The following USF1 variants were observed in gnomAD, a reference collection of about 807,000 sequenced individuals.
USF1 encodes upstream transcription factor 1.
In USF1, 22 loss-of-function variants were observed where a neutral mutation model predicts 46.3. That is an observed-to-expected ratio of 0.47 (90% confidence interval 0.34 to 0.68). USF1 has a LOEUF of 0.68. USF1 is among the 30% of genes least tolerant of loss of function. The pLI, the probability that USF1 is intolerant of heterozygous loss-of-function variation, is 0.01. For missense variants in USF1, 287 were observed against 399.3 expected (o/e 0.72, Z 2.40); for synonymous variants, 150 against 147.0 (o/e 1.02, Z -0.15).
chr1:161,041,411 C>T lies in USF1; in HGVS notation c.473G>A (p.Gly158Asp). The change falls in exon 7 of 11, where the codon GGT becomes GAT. Residue 158 changes from glycine (G) to aspartate (D), a missense_variant and splice_region_variant. Gly to Asp is a moderately conservative substitution (Grantham distance 94, BLOSUM62 -1). Coordinates refer to ENST00000368021, the MANE Select transcript of USF1 (RefSeq NM_007122.5). ...LLGQATPPGTGQFFVMMSPQE... is the reference protein window; with the variant it reads ...LLGQATPPGTDQFFVMMSPQE... ...TGGTGACATCATCACAAAGAATTGA[C>T]CTGTGAAGATGCAGGGTAGGTTCTG... The T allele has an allele frequency of 6.2e-7, 1 of 1,613,552 alleles. No individual in the cohort carries two copies. Among genetic ancestry groups the T allele is most frequent in the Non-Finnish European group, 8.5e-7 (1 of 1,179,898 alleles).
Position 161,043,315 on chromosome 1 carries a change from T to C in USF1, c.-40A>G, listed in dbSNP as rs1453242874. ...GCACATCCGAGGAACTGGTCCTTTT[T>C]TGGAGGTCTTTGTATCTCCTGATTC... On this transcript the variant is annotated 5_prime_UTR_variant, in exon 2 of 11. Coordinates refer to ENST00000368021, the MANE Select transcript of USF1 (RefSeq NM_007122.5). 6.2e-7 allele frequency: 1 copy of C among 1,614,078 alleles called. No homozygotes were observed. The highest frequency in any genetic ancestry group is 8.5e-7 in the Non-Finnish European group (1 of 1,180,032).
intron 1 of USF1, among the ~76,000 whole-genome samples, chr1:161,043,925 G>GA (rs1170173065): frequency 7.2e-6 from 1 of 138,020 alleles, no homozygotes; most frequent in Non-Finnish European, 1.5e-5. Context: ...GCACCTGGCC[G>GA]AAACAACACA....
At position 161,041,324 on chromosome 1, in the gene USF1, G is replaced by A. The variant is rs376601561; in HGVS notation, c.560C>T (p.Pro187Leu). The change falls in exon 7 of 11, where the codon CCG becomes CTG. Residue 187 changes from proline (P) to leucine (L), a missense_variant and splice_region_variant. Transcript: ENST00000368021. Reference protein sequence around the residue: ...SIAPRTHPYSPKSEAPRTTRD... With the variant: ...SIAPRTHPYSLKSEAPRTTRD... ...CTGAGAAGAAACAAGGGTCACTCAC[G>A]GGGAATAAGGGTGAGTCCTAGGGGC... The A allele has an allele frequency of 1.4e-5, 22 of 1,605,628 alleles. No homozygotes were observed. Among genetic ancestry groups the A allele is most frequent in the South Asian group, 8.8e-5 (8 of 90,412 alleles).
rs1650446173 is a variant in USF1, at chr1:161,039,822, T to G, written c.*98A>C. The stretch of plus-strand genomic sequence containing the variant: ...ACCTTCTGAACTTCCCCCTGTCCCA[T>G]GCCAGAAGTGGGGCAGTGAAGGAAA... On this transcript the variant is annotated 3_prime_UTR_variant, in exon 11 of 11. Coordinates refer to ENST00000368021, the MANE Select transcript of USF1 (RefSeq NM_007122.5). 7.8e-7 allele frequency: 1 copy of G among 1,279,730 alleles called. No individual in the cohort carries two copies. 79.3% of individuals were successfully genotyped at this position (1,279,730 alleles called of 1,614,324 possible). A position where few individuals can be genotyped will look rare whatever the true frequency, so the allele number is the denominator to read the frequency against.
chr1:161,040,558 C>T lies in USF1; in HGVS notation c.714+18G>A. ...CAGAATTCAGGCATCCTGCCCACTA[C>T]CAGGGTCTTTCCATGACCTGGCCAG... On this transcript the variant is annotated intron_variant, in intron 9 of 10. Coordinates refer to ENST00000368021, the MANE Select transcript of USF1 (RefSeq NM_007122.5). The surrounding 1 kb of genome is among the most constrained non-coding windows in gnomAD (Gnocchi z 4.0). 1.2e-6 allele frequency: 2 copies of T among 1,609,972 alleles called. No homozygotes were observed. Among genetic ancestry groups the T allele is most frequent in the Non-Finnish European group, 1.7e-6 (2 of 1,178,534 alleles).
chr1:161,042,069 T>A (rs532505451), intron 5 of USF1, 47 bp downstream of exon 5: 1 of 1,562,600 alleles, frequency 6.4e-7, no homozygotes, highest in Admixed American at 1.8e-5. Flanking sequence ...CCCTTCTTCA[T>A]CTTACTTCTC....
rs201560533 is a variant in USF1, at chr1:161,042,813, G to A, written c.58+20C>T. ...AGGCCATGATGGGTTCTTAGTCTTG[G>A]TTCTGTTTCTAGCACTCACCTTCCT... is the stretch of plus-strand genomic sequence containing the variant. On this transcript the variant is annotated intron_variant, in intron 3 of 10. Transcript: ENST00000368021. 6.2e-7 allele frequency: 1 copy of A among 1,614,064 alleles called. No homozygotes were observed. The highest frequency in any genetic ancestry group is 1.1e-5 in the South Asian group (1 of 91,082).
chr1:161,043,943 CTTTT>C (rs58205070), intron 1 of USF1, among the ~76,000 whole-genome samples: 2 of 110,286 alleles, frequency 1.8e-5, no homozygotes, highest in Admixed American at 1.0e-4. Context: ...ACATTTCTTT[CTTTT>C]TTTTTTTTTT....
Position 161,039,903 on chromosome 1 carries a change from C to T in USF1, c.*17G>A, listed in dbSNP as rs757576669. On this transcript the variant is annotated 3_prime_UTR_variant, in exon 11 of 11. Coordinates refer to ENST00000368021, the MANE Select transcript of USF1 (RefSeq NM_007122.5). ...CTATCTGCAGTTCTTGGGCCCAAAGCCCCTGAATCCCCATAGTTAGTTGCT... is the reference window on the plus strand; with the variant it reads ...CTATCTGCAGTTCTTGGGCCCAAAGTCCCTGAATCCCCATAGTTAGTTGCT... The T allele has an allele frequency of 2.5e-6, 4 of 1,613,772 alleles. No homozygotes were observed. In the African/African-American group the frequency reaches 5.3e-5, roughly 22 times the overall value.
rs141965906 is a variant in USF1, at chr1:161,040,745, C to A, written c.619+69G>T. 1.2e-6 allele frequency: 2 copies of A among 1,613,300 alleles called. No individual in the cohort carries two copies. The highest frequency in any genetic ancestry group is 2.7e-5 in the African/African-American group (2 of 74,998). Reference sequence around the variant, plus strand: ...GTCCCAGGGTAAAATTACCTAATCCCTCCTCCCCTCAGACATCACTGCTGA... The same window carrying A: ...GTCCCAGGGTAAAATTACCTAATCCATCCTCCCCTCAGACATCACTGCTGA... On this transcript the variant is annotated intron_variant, in intron 8 of 10. Transcript: ENST00000368021. This position sits in a 1 kb window ranked among gnomAD's most constrained non-coding sequence, Gnocchi z 4.0.
intron 1 of USF1, among the ~76,000 whole-genome samples, chr1:161,045,343 G>C (rs1257371780): frequency 6.6e-6 from 1 of 152,178 alleles, no homozygotes; most frequent in Non-Finnish European, 1.5e-5. Flanking sequence ...CAGGCCAGAA[G>C]GGCCCAGTAA....
chr1:161,041,919 T>G, intron 5 of USF1, 73 bp from the exon 6 acceptor site: 1 of 1,492,704 alleles, frequency 6.7e-7, no homozygotes. Context: ...CTCTGCAGCT[T>G]CTATCCGTTG....
At chr1:161,042,332 C>CAG in intron 4 of USF1, 115 bp from the exon 5 acceptor site, 1 of 1,160,908 alleles carries the variant, frequency 8.6e-7, no homozygotes, top group Non-Finnish European at 1.2e-6. Flanking sequence ...CAAAGTCCTT[C>CAG]AGAGACATGG....
intron 1 of USF1, among the ~76,000 whole-genome samples, chr1:161,045,390 A>G (rs1046726875): frequency 6.6e-6 from 1 of 152,216 alleles, no homozygotes; most frequent in African/African-American, 2.4e-5. Flanking sequence ...GGGAAAAAAA[A>G]TCAACTCCCG....
intron 2 of USF1, 149 bp from the exon 3 acceptor site, chr1:161,043,031 T>C: frequency 7.9e-7 from 1 of 1,267,286 alleles, no homozygotes; most frequent in Non-Finnish European, 1.1e-6. Flanking sequence ...CTGTTTACTA[T>C]GTACATAAGC....
rs372233982 is a variant in USF1, at chr1:161,042,265, T to A, written c.175-48A>T. 3.2e-5 allele frequency: 50 copies of A among 1,563,952 alleles called. No homozygotes were observed. In the African/African-American group the frequency reaches 5.4e-4, roughly 17 times the overall value. ...AGGGAGTGAAGAGAGAAGAAAAGAT[T>A]AAGTGTTGGGAATCCTAGGGCCCCT... On this transcript the variant is annotated intron_variant, in intron 4 of 10. Transcript: ENST00000368021.
chr1:161,042,685 C>T lies in USF1; in HGVS notation c.59-15G>A. ...AGCCACTGCACCTGAATTAAAAGAA[C>T]AAAGGAAAAGTCTGTGAGTTAACTG... On this transcript the variant is annotated splice_polypyrimidine_tract_variant and intron_variant, in intron 3 of 10. Transcript: ENST00000368021. 6.2e-7 allele frequency: 1 copy of T among 1,614,106 alleles called. No homozygotes were observed. The highest frequency in any genetic ancestry group is 8.5e-7 in the Non-Finnish European group (1 of 1,179,968).
chr1:161,040,931 G>A lies in USF1; in HGVS notation c.561-59C>T. ...AGACAAAATACATGATTGAAGTTTGGGGTTAAGGAATTATACAAGATTTAG... is the reference window on the plus strand; with the variant it reads ...AGACAAAATACATGATTGAAGTTTGAGGTTAAGGAATTATACAAGATTTAG... On this transcript the variant is annotated intron_variant, in intron 7 of 10. Transcript: ENST00000368021. The surrounding 1 kb of genome is among the most constrained non-coding windows in gnomAD (Gnocchi z 4.0). 4 of 1,608,386 alleles carry A rather than the reference G, an allele frequency of 2.5e-6. No individual in the cohort carries two copies. The highest frequency in any genetic ancestry group is 3.4e-6 in the Non-Finnish European group (4 of 1,176,186).
intron 1 of USF1, among the ~76,000 whole-genome samples, chr1:161,044,147 T>C (rs1051773195): frequency 6.6e-6 from 1 of 151,956 alleles, no homozygotes; most frequent in Non-Finnish European, 1.5e-5. Flanking sequence ...TTTACCATAT[T>C]GGCCAGGCTG....
Sources: allele counts gnomAD v4.1 joint callset (sites outside exome capture counted in the v4.1 genomes callset), GRCh38; gene constraint gnomAD v4.1.1; non-coding constraint Gnocchi (gnomAD v3.1); transcripts MANE v1.5; gene names NCBI Gene and HGNC (gene_info 2026-07-23, HGNC 2026-07-21).